The following SEC63 variants were observed in gnomAD, a reference collection of about 807,000 sequenced individuals.
The protein encoded by SEC63 is translocation protein SEC63 homolog.
In SEC63, 56 loss-of-function variants were observed where a neutral mutation model predicts 116.2. That is an observed-to-expected ratio of 0.48 (90% CI 0.39 to 0.60). SEC63 has a LOEUF of 0.60. SEC63 is among the 20% of genes least tolerant of loss of function. SEC63 has a pLI of 0.00. For missense variants in SEC63, 668 were observed against 900.0 expected (o/e 0.74, Z 3.30); for synonymous variants, 273 against 294.6 (o/e 0.93, Z 0.75).
At chr6:107,934,132 C>A (rs1787874954) in intron 1 of SEC63, among the ~76,000 whole-genome samples, 1 of 152,204 alleles carries the variant, frequency 6.6e-6, no homozygotes, top group Admixed American at 6.5e-5. Context: ...CAGCCTCTGC[C>A]CCGCCGCCAC....
At chr6:107,909,662 C>T (rs1014640859) in intron 7 of SEC63, among the ~76,000 whole-genome samples, 1 of 152,176 alleles carries the variant, frequency 6.6e-6, no homozygotes, top group Non-Finnish European at 1.5e-5. Flanking sequence ...CTGCTATAAG[C>T]ACCAAGCTGG....
chr6:107,941,607 G>A (rs1770377654), intron 1 of SEC63, among the ~76,000 whole-genome samples: 2 of 152,212 alleles, frequency 1.3e-5, no homozygotes, highest in South Asian at 4.1e-4. Context: ...TACCATTGTA[G>A]TATCCTTTTT....
chr6:107,953,443 G>A (rs1357040681), intron 1 of SEC63, among the ~76,000 whole-genome samples: 2 of 146,450 alleles, frequency 1.4e-5, no homozygotes, highest in East Asian at 2.1e-4. Flanking sequence ...GGGAGGTGAG[G>A]GGCACCTCTG....
chr6:107,874,595 C>CAAAA (rs35096526), intron 19 of SEC63, among the ~76,000 whole-genome samples: 14 of 64,542 alleles, frequency 2.2e-4, no homozygotes, highest in African/African-American at 3.1e-4. Flanking sequence ...GACTCTGTCT[C>CAAAA]AAAAAAAAAA....
chr6:107,948,123 C>A (rs979315731), intron 1 of SEC63, among the ~76,000 whole-genome samples: 3 of 152,138 alleles, frequency 2.0e-5, no homozygotes, highest in African/African-American at 7.2e-5. Context: ...TCTCGTGTCA[C>A]CTCCTCTGCA....
rs1006996909 is a variant in SEC63 at position 107,958,158 on chromosome 6, CGCCGCCGCCACCTCTGCCGCT to C, written c.-170_-150del. 12 of 1,251,798 alleles carry C rather than the reference CGCCGCCGCCACCTCTGCCGCT, an allele frequency of 9.6e-6. 1 individual carries two copies. Among genetic ancestry groups the C allele is most frequent in the Non-Finnish European group, 1.3e-5 (12 of 891,352 alleles). The allele number at this position is 1,251,798 out of a possible 1,614,324, so 77.5% of individuals were successfully genotyped here. On this transcript the variant is annotated 5_prime_UTR_variant, in exon 1 of 21. Coordinates refer to ENST00000369002, the MANE Select transcript of SEC63 (RefSeq NM_007214.5). Reference sequence around the variant, plus strand: ...CGCCCCCACGCCACTCTCACGGACACGCCGCCGCCACCTCTGCCGCTGCCGCCGCCGTCGCCAGCTCTCGCG... The same window carrying C: ...CGCCCCCACGCCACTCTCACGGACACGCCGCCGCCGTCGCCAGCTCTCGCG...
intron 1 of SEC63, among the ~76,000 whole-genome samples, chr6:107,945,992 A>G (rs1162492643): frequency 6.6e-6 from 1 of 152,026 alleles, no homozygotes; most frequent in Non-Finnish European, 1.5e-5. Context: ...GCTGGAGTGC[A>G]GTGGTGCGAT....
intron 16 of SEC63, among the ~76,000 whole-genome samples, chr6:107,888,286 TCTC>T (rs1345806415): frequency 6.6e-6 from 1 of 152,164 alleles, no homozygotes; most frequent in African/African-American, 2.4e-5. Context: ...GGTTTGTAGT[TCTC>T]CTTGAAGAGG....
At chr6:107,942,517 A>C (rs1770398938) in intron 1 of SEC63, among the ~76,000 whole-genome samples, 2 of 152,192 alleles carry the variant, frequency 1.3e-5, no homozygotes, top group Admixed American at 1.3e-4. Context: ...CTGGACACTG[A>C]GGATATAGAA....
At chr6:107,877,665 C>T (rs1456638955) in intron 18 of SEC63, among the ~76,000 whole-genome samples, 1 of 152,112 alleles carries the variant, frequency 6.6e-6, no homozygotes, top group African/African-American at 2.4e-5. Flanking sequence ...TGGTCTTGAA[C>T]TCCTGGGCTC....
At chr6:107,890,729 G>A (rs1786661973) in intron 16 of SEC63, among the ~76,000 whole-genome samples, 1 of 152,076 alleles carries the variant, frequency 6.6e-6, no homozygotes, top group Non-Finnish European at 1.5e-5. Flanking sequence ...TCCATGTTTA[G>A]TGCTTCCTTC....
At chr6:107,955,374 G>A (rs1351198094) in intron 1 of SEC63, among the ~76,000 whole-genome samples, 4 of 152,142 alleles carry the variant, frequency 2.6e-5, no homozygotes, top group Admixed American at 6.5e-5. Flanking sequence ...TGTTGGCCAG[G>A]CTGGTCTTGA....
At chr6:107,900,802 T>C (rs1786983624) in intron 13 of SEC63, among the ~76,000 whole-genome samples, 1 of 152,220 alleles carries the variant, frequency 6.6e-6, no homozygotes, top group Admixed American at 6.5e-5. Flanking sequence ...AGATAGTCTC[T>C]AATTCTCTCA....
chr6:107,891,807 C>T (rs1394563165), intron 16 of SEC63, among the ~76,000 whole-genome samples: 1 of 152,338 alleles, frequency 6.6e-6, no homozygotes, highest in East Asian at 1.9e-4. Context: ...TTCCTTCTAA[C>T]AGGCCCCTCT....
rs529991360 is a variant in SEC63, at chr6:107,952,882, C to T, written c.124+5004G>A. Among the ~76,000 whole-genome samples the T allele has an allele frequency of 3.9e-5, 6 of 152,292 alleles. No homozygotes were observed. The South Asian group carries it at 8.3e-4, about 21-fold the overall frequency. On this transcript the variant is annotated intron_variant, in intron 1 of 20. Coordinates refer to ENST00000369002, the MANE Select transcript of SEC63 (RefSeq NM_007214.5). ...TACTGTCAGAAGTCTGAAATTCAAACGCATGCCTACATTTTTGTATTTGGC... is the reference window on the plus strand; with the variant it reads ...TACTGTCAGAAGTCTGAAATTCAAATGCATGCCTACATTTTTGTATTTGGC...
At chr6:107,909,181 A>C in intron 7 of SEC63, 146 bp from the exon 8 acceptor site, 1 of 623,418 alleles carries the variant, frequency 1.6e-6, no homozygotes, top group Non-Finnish European at 2.9e-6. Context: ...CAGCCTGGGC[A>C]ACATAGTGAG....
At chr6:107,926,252 A>T (rs1335519868) in intron 2 of SEC63, among the ~76,000 whole-genome samples, 1 of 152,218 alleles carries the variant, frequency 6.6e-6, no homozygotes, top group East Asian at 1.9e-4. Context: ...TGCATAAAGT[A>T]ATTATCTTAA....
At chr6:107,921,977 TA>T in intron 3 of SEC63, 68 bp from the exon 4 acceptor site, 1 of 903,826 alleles carries the variant, frequency 1.1e-6, no homozygotes, top group Non-Finnish European at 1.8e-6. Context: ...TGTAAAGAAA[TA>T]ATCAATCCTA....
intron 1 of SEC63, among the ~76,000 whole-genome samples, chr6:107,951,681 T>G (rs1770581893): frequency 6.6e-6 from 1 of 152,066 alleles, no homozygotes. Flanking sequence ...GGTACAAGTG[T>G]TTTAAAAAGT....
Sources: gnomAD v4.1 joint callset for allele counts (sites outside exome capture counted in the v4.1 genomes callset) on GRCh38, gnomAD v4.1.1 for gene constraint, MANE v1.5 for transcripts, NCBI Gene and HGNC (gene_info 2026-07-23, HGNC 2026-07-21) for gene names.